The following SYT1 variants were observed in gnomAD, a reference collection of about 807,000 sequenced individuals.
The protein encoded by SYT1 is synaptotagmin 1.
A neutral mutation model predicts 44.8 loss-of-function variants in SYT1; 8 were observed. The observed-to-expected ratio is 0.18, with a 90% CI of 0.10 to 0.32. The LOEUF is 0.32. SYT1 is among the 10% of genes least tolerant of loss of function. SYT1 has a pLI of 1.00. For missense variants in SYT1, 286 were observed against 509.3 expected (o/e 0.56, Z 4.22); for synonymous variants, 154 against 188.8 (o/e 0.82, Z 1.51).
At chr12:78,867,019 C>A (rs1172048669) in intron 1 of SYT1, among the ~76,000 whole-genome samples, 8 of 148,060 alleles carry the variant, frequency 5.4e-5, no homozygotes, top group South Asian at 2.1e-4. Flanking sequence ...TACCAAGTCA[C>A]GAAAAACGAT....
chr12:79,238,223 C>G (rs1876301285), intron 4 of SYT1, among the ~76,000 whole-genome samples: 1 of 149,862 alleles, frequency 6.7e-6, no homozygotes. Flanking sequence ...TTTCTAAGAA[C>G]TTTTAATGCC....
At chr12:79,276,283 A>G (rs1878715491) in intron 4 of SYT1, among the ~76,000 whole-genome samples, 1 of 152,310 alleles carries the variant, frequency 6.6e-6, no homozygotes, top group Non-Finnish European at 1.5e-5. Context: ...AGTGCAATCC[A>G]AGAGAAAGTT....
intron 2 of SYT1, among the ~76,000 whole-genome samples, chr12:78,997,176 C>T (rs988729869): frequency 3.3e-5 from 5 of 152,200 alleles, no homozygotes; most frequent in Admixed American, 2.6e-4. Flanking sequence ...ATAAGAGGCT[C>T]ATCCTATATG....
At chr12:79,250,352 C>T (rs967637507) in intron 4 of SYT1, among the ~76,000 whole-genome samples, 2 of 152,130 alleles carry the variant, frequency 1.3e-5, no homozygotes, top group Non-Finnish European at 2.9e-5. Context: ...AATACAATTC[C>T]GGTATGTAAA....
intron 4 of SYT1, among the ~76,000 whole-genome samples, chr12:79,245,427 T>C (rs1256396539): frequency 3.0e-5 from 4 of 131,432 alleles, no homozygotes; most frequent in East Asian, 4.3e-4. Flanking sequence ...TGAGCCCAGA[T>C]GGCGCCACTG....
intron 3 of SYT1, among the ~76,000 whole-genome samples, chr12:79,119,141 C>A (rs1413680700): frequency 6.6e-6 from 1 of 152,134 alleles, no homozygotes; most frequent in Non-Finnish European, 1.5e-5. Flanking sequence ...GAATCTGTGC[C>A]TGTCCTCTCC....
chr12:79,355,629 C>T lies in SYT1; in HGVS notation c.928+2010C>T, dbSNP rs376563486. Among the ~76,000 whole-genome samples the T allele has an allele frequency of 3.9e-5, 6 of 152,136 alleles. No homozygotes were observed. In the East Asian group the frequency reaches 9.6e-4, roughly 24 times the overall value. ...GTCCAGCCTATGTCATGCCATATCT[C>T]ATTTTCACCAAATTGACCAACACAC... On this transcript the variant is annotated intron_variant, in intron 9 of 10. Transcript: ENST00000261205.
chr12:78,968,792 C>G (rs1592615388), intron 1 of SYT1, among the ~76,000 whole-genome samples: 1 of 152,140 alleles, frequency 6.6e-6, no homozygotes, highest in African/African-American at 2.4e-5. Context: ...AATATCTAAG[C>G]TCAGGCATGA....
Position 78,931,189 on chromosome 12 carries a change from AAG to A in SYT1, c.-216-46608_-216-46607del, listed in dbSNP as rs1565723102. Among the ~76,000 whole-genome samples the A allele has an allele frequency of 7.4e-4, 15 of 20,140 alleles. 1 individual carries two copies. The highest frequency in any genetic ancestry group is 5.0e-3 in the African/African-American group (15 of 3,010). The allele number at this position is 20,140 out of a possible 152,430, so 13.2% of individuals were successfully genotyped here. ...AGAAAGAAAGAAAGAAAAAGAAAGA[AAG>A]AAAGAAAGAAAGAAAGAAAGAAAGA... On this transcript the variant is annotated intron_variant, in intron 1 of 10. Transcript: ENST00000261205.
At chr12:79,174,534 C>T (rs1871740413) in intron 3 of SYT1, among the ~76,000 whole-genome samples, 1 of 151,946 alleles carries the variant, frequency 6.6e-6, no homozygotes, top group African/African-American at 2.4e-5. Flanking sequence ...TAGTCAGTAA[C>T]ATATGATTTA....
intron 3 of SYT1, among the ~76,000 whole-genome samples, chr12:79,060,940 T>C (rs1324644111): frequency 6.6e-6 from 1 of 152,118 alleles, no homozygotes; most frequent in African/African-American, 2.4e-5. Flanking sequence ...GTTATAAATA[T>C]GCCACATTTT....
At chr12:79,249,285 T>C (rs1877048485) in intron 4 of SYT1, among the ~76,000 whole-genome samples, 1 of 151,392 alleles carries the variant, frequency 6.6e-6, no homozygotes, top group Non-Finnish European at 1.5e-5. Flanking sequence ...TTTGTATTTT[T>C]AGTAGAGACG....
intron 1 of SYT1, among the ~76,000 whole-genome samples, chr12:78,887,368 G>A (rs948757827): frequency 6.6e-6 from 1 of 151,962 alleles, no homozygotes; most frequent in East Asian, 1.9e-4. Context: ...GCACATGAGT[G>A]TGGATGCTGG....
chr12:79,114,654 T>G (rs939012251), intron 3 of SYT1, among the ~76,000 whole-genome samples: 5 of 152,170 alleles, frequency 3.3e-5, no homozygotes, highest in Non-Finnish European at 4.4e-5. Flanking sequence ...ACTTCTTTAT[T>G]GAGATAGAAC....
chr12:79,390,974 A>G (rs1369358074), intron 9 of SYT1, among the ~76,000 whole-genome samples: 1 of 152,052 alleles, frequency 6.6e-6, no homozygotes, highest in Non-Finnish European at 1.5e-5. Context: ...GGAGCTTCTA[A>G]TGTCTTCCTC....
chr12:78,948,113 AAG>A (rs1200437062), intron 1 of SYT1, among the ~76,000 whole-genome samples: 3 of 151,800 alleles, frequency 2.0e-5, no homozygotes, highest in African/African-American at 4.8e-5. Context: ...AATTAAGAAA[AAG>A]AGAGCACTAT....
At chr12:79,078,678 T>C (rs1448143425) in intron 3 of SYT1, among the ~76,000 whole-genome samples, 1 of 152,094 alleles carries the variant, frequency 6.6e-6, no homozygotes, top group East Asian at 1.9e-4. Flanking sequence ...TTCTTCCTGA[T>C]GCTCTCCCTC....
At chr12:79,049,597 C>T (rs1021520643) in intron 3 of SYT1, among the ~76,000 whole-genome samples, 2 of 151,970 alleles carry the variant, frequency 1.3e-5, no homozygotes, top group Admixed American at 1.3e-4. Flanking sequence ...AATATCTTAG[C>T]CACTAAAGGC....
At chr12:79,276,537 A>T (rs1429028994) in intron 4 of SYT1, among the ~76,000 whole-genome samples, 1 of 151,760 alleles carries the variant, frequency 6.6e-6, no homozygotes, top group Non-Finnish European at 1.5e-5. Context: ...TTAGCTGGGC[A>T]TGGTGGCACA....
Sources: gnomAD v4.1 joint callset for allele counts (sites outside exome capture counted in the v4.1 genomes callset) on GRCh38, gnomAD v4.1.1 for gene constraint, MANE v1.5 for transcripts, NCBI Gene and HGNC (gene_info 2026-07-23, HGNC 2026-07-21) for gene names.